KCNQ5: variants seen among roughly 807,000 people sequenced by gnomAD.
KCNQ5 encodes the protein potassium voltage-gated channel subfamily Q member 5.
KCNQ5 carries 30 observed loss-of-function variants against 98.2 expected under a neutral mutation model. The observed-to-expected ratio is 0.31, with a 90% confidence interval of 0.23 to 0.41. The LOEUF is 0.41. Among genes scored for constraint, KCNQ5 ranks in the 10% least tolerant of loss-of-function variants. KCNQ5 has a pLI of 1.00. For synonymous variants in KCNQ5, 458 were observed against 449.4 expected (o/e 1.02, Z -0.24); for missense variants, 835 against 1,182.5 (o/e 0.71, Z 4.31).
chr6:73,113,885 A>G (rs1171806513), intron 7 of KCNQ5, among the ~76,000 whole-genome samples: 1 of 152,266 alleles, frequency 6.6e-6, no homozygotes, highest in Non-Finnish European at 1.5e-5. Flanking sequence ...GTACAAATGC[A>G]GGTAACAATG....
chr6:72,925,143 T>G (rs541600107), intron 1 of KCNQ5, among the ~76,000 whole-genome samples: 1 of 152,256 alleles, frequency 6.6e-6, no homozygotes, highest in East Asian at 1.9e-4. Context: ...AATAATTGAG[T>G]GATTTTTTTC....
intron 3 of KCNQ5, among the ~76,000 whole-genome samples, chr6:73,044,059 G>A (rs74804376): frequency 7.9e-5 from 12 of 152,312 alleles, no homozygotes; most frequent in Non-Finnish European, 1.6e-4. Context: ...GCTGAGGAAG[G>A]CAGATCACTT....
chr6:72,845,776 G>A lies in KCNQ5; in HGVS notation c.399-158132G>A, dbSNP rs534921763. ...TCACTATTATTTTTATTTGAATTTC[G>A]TTATGTTATTATTTTGATTCAGTTT... On this transcript the variant is annotated intron_variant, in intron 1 of 13. Transcript: ENST00000370398. Among the ~76,000 whole-genome samples the A allele has an allele frequency of 5.9e-5, 9 of 152,124 alleles. No individual in the cohort carries two copies. The East Asian group carries it at 7.7e-4, about 13-fold the overall frequency.
chr6:72,878,890 A>C (rs1778525926), intron 1 of KCNQ5, among the ~76,000 whole-genome samples: 1 of 152,202 alleles, frequency 6.6e-6, no homozygotes, highest in Non-Finnish European at 1.5e-5. Flanking sequence ...GAGAATGTCT[A>C]ACCTTTGTAT....
intron 1 of KCNQ5, among the ~76,000 whole-genome samples, chr6:72,631,505 A>AAAAT (rs1554680019): frequency 6.6e-6 from 1 of 152,250 alleles, no homozygotes; most frequent in Non-Finnish European, 1.5e-5. Flanking sequence ...GTTTCAAAAA[A>AAAAT]AAATAAAAGT....
chr6:72,806,577 A>G (rs1020170494), intron 1 of KCNQ5, among the ~76,000 whole-genome samples: 5 of 152,352 alleles, frequency 3.3e-5, no homozygotes, highest in Admixed American at 6.5e-5. Flanking sequence ...GCAGAGAATC[A>G]TAATACTTAC....
At chr6:72,759,745 A>G (rs983892256) in intron 1 of KCNQ5, among the ~76,000 whole-genome samples, 2 of 152,162 alleles carry the variant, frequency 1.3e-5, no homozygotes, top group Non-Finnish European at 1.5e-5. Flanking sequence ...ATACCCTCAG[A>G]TGGTATTAGA....
intron 1 of KCNQ5, among the ~76,000 whole-genome samples, chr6:72,643,126 G>A (rs1489887903): frequency 6.6e-6 from 1 of 152,248 alleles, no homozygotes; most frequent in East Asian, 1.9e-4. Context: ...AAGTTGGGAG[G>A]AGGGAGAGGA....
At chr6:72,772,730 G>A (rs1177011385) in intron 1 of KCNQ5, among the ~76,000 whole-genome samples, 1 of 152,076 alleles carries the variant, frequency 6.6e-6, no homozygotes, top group Non-Finnish European at 1.5e-5. Flanking sequence ...TTGCTTGTTG[G>A]ATAAGAAAAC....
At chr6:73,004,764 A>T (rs1582175516) in intron 2 of KCNQ5, among the ~76,000 whole-genome samples, 2 of 152,256 alleles carry the variant, frequency 1.3e-5, no homozygotes, top group South Asian at 2.1e-4. Flanking sequence ...AAATTATCAG[A>T]TTTGACAGTC....
At chr6:72,825,072 C>A (rs1171480654) in intron 1 of KCNQ5, among the ~76,000 whole-genome samples, 4 of 151,942 alleles carry the variant, frequency 2.6e-5, no homozygotes, top group Non-Finnish European at 5.9e-5. Flanking sequence ...GTAATGATGT[C>A]ATCTGTCCTG....
chr6:73,002,130 T>TA (rs2150321228), intron 1 of KCNQ5, among the ~76,000 whole-genome samples: 1 of 152,132 alleles, frequency 6.6e-6, no homozygotes, highest in East Asian at 1.9e-4. Flanking sequence ...ACCCTATTTC[T>TA]AAAAAAATAA....
intron 2 of KCNQ5, among the ~76,000 whole-genome samples, chr6:73,012,850 T>C (rs1478555218): frequency 1.4e-5 from 2 of 143,726 alleles, no homozygotes; most frequent in Non-Finnish European, 3.2e-5. Context: ...AAAAATTAAA[T>C]GAAATTTAAA....
chr6:72,988,643 G>T (rs1276365486), intron 1 of KCNQ5, among the ~76,000 whole-genome samples: 122 of 101,538 alleles, frequency 1.2e-3, no homozygotes, highest in African/African-American at 4.0e-3. Context: ...AAAAAAGCAT[G>T]ATTTTCTTTT....
intron 6 of KCNQ5, among the ~76,000 whole-genome samples, chr6:73,110,268 G>A (rs1218886838): frequency 6.6e-6 from 1 of 152,164 alleles, no homozygotes; most frequent in Non-Finnish European, 1.5e-5. Context: ...AGACTTGAAA[G>A]CAGCAGAGCT....
At chr6:73,109,888 G>A (rs6453636) in intron 6 of KCNQ5, among the ~76,000 whole-genome samples, 143,134 of 152,286 alleles carry the variant, frequency 0.94, 67,330 homozygotes, top group South Asian at 0.98. Context: ...AGACCACTGC[G>A]TATTTTAAAC....
Position 72,894,268 on chromosome 6 carries a change from T to A in KCNQ5, c.399-109640T>A, listed in dbSNP as rs1292696471. Among the ~76,000 whole-genome samples the A allele has an allele frequency of 3.0e-4, 45 of 152,190 alleles. 1 individual carries two copies. Among genetic ancestry groups the A allele is most frequent in the Admixed American group, 2.9e-3 (45 of 15,286 alleles). ...ACTCACCTCTACACTTCTTGTGGGT[T>A]CATTTAAAGAGGAAGTAATCTGGAA... On this transcript the variant is annotated intron_variant, in intron 1 of 13. Coordinates refer to ENST00000370398, the MANE Select transcript of KCNQ5 (RefSeq NM_019842.4).
intron 1 of KCNQ5, among the ~76,000 whole-genome samples, chr6:72,680,940 G>A (rs1373409822): frequency 6.6e-6 from 1 of 152,144 alleles, no homozygotes; most frequent in Non-Finnish European, 1.5e-5. Context: ...TTTAGCAAGT[G>A]GCAACAGAAG....
chr6:72,881,479 T>C (rs1027723004), intron 1 of KCNQ5, among the ~76,000 whole-genome samples: 1 of 152,174 alleles, frequency 6.6e-6, no homozygotes, highest in African/African-American at 2.4e-5. Context: ...TAATAAACAA[T>C]TATTGCACAC....
Sources: allele counts gnomAD v4.1 joint callset (sites outside exome capture counted in the v4.1 genomes callset), GRCh38; gene constraint gnomAD v4.1.1; transcripts MANE v1.5; gene names NCBI Gene and HGNC (gene_info 2026-07-23, HGNC 2026-07-21).